The following SMC6 variants were observed in gnomAD, a reference collection of about 807,000 sequenced individuals.
SMC6 encodes structural maintenance of chromosomes protein 6.
Under a neutral mutation model 142.2 loss-of-function variants are expected in SMC6, and 79 were observed. The ratio of observed to expected loss-of-function variants is 0.56; its 90% CI spans 0.46 to 0.67. The LOEUF is 0.67. Among genes scored for constraint, SMC6 ranks in the 30% least tolerant of loss-of-function variants. The pLI, the probability that SMC6 is intolerant of heterozygous loss-of-function variation, is 0.00. For missense variants in SMC6, 1,072 were observed against 1,284.0 expected, an observed-to-expected ratio of 0.83 and a Z score of 2.52; for synonymous variants, 411 against 412.4, an observed-to-expected ratio of 1.00 and a Z score of 0.04.
intron 23 of SMC6, among the ~76,000 whole-genome samples, chr2:17,690,853 G>A (rs1386353722): frequency 1.3e-5 from 2 of 151,778 alleles, no homozygotes; most frequent in Non-Finnish European, 2.9e-5. Context: ...GCCACACGCT[G>A]TTTAGGCTGT....
intron 2 of SMC6, 94 bp from the exon 3 acceptor site, chr2:17,746,045 G>T: frequency 8.4e-7 from 1 of 1,188,090 alleles, no homozygotes; most frequent in Non-Finnish European, 1.1e-6. Flanking sequence ...TAAACTTTAG[G>T]TACTATGTCC....
At chr2:17,745,985 T>C (rs1211006886) in intron 2 of SMC6, 34 bp from the exon 3 acceptor site, 7 of 1,545,108 alleles carry the variant, frequency 4.5e-6, no homozygotes, top group Non-Finnish European at 6.1e-6. Flanking sequence ...ATGAGGTAAA[T>C]CAAGTTCCAT....
At chr2:17,689,624 G>C (rs1379896214) in intron 23 of SMC6, among the ~76,000 whole-genome samples, 1 of 152,140 alleles carries the variant, frequency 6.6e-6, no homozygotes, top group South Asian at 2.1e-4. Flanking sequence ...TATGATTTTT[G>C]ATAGAGCTGT....
At position 17,721,276 on chromosome 2, in the gene SMC6, A is replaced by G; in HGVS notation, c.727-15T>C. 1 of 1,558,288 alleles carries G rather than the reference A, an allele frequency of 6.4e-7. No individual in the cohort carries two copies. The highest frequency in any genetic ancestry group is 8.6e-7 in the Non-Finnish European group (1 of 1,160,914). ...TCAGTAAGCCGCTTAAAAAAAGAAA[A>G]CAGAACGGACGTATTTTTTATTAAT... is the stretch of plus-strand genomic sequence containing the variant. On this transcript the variant is annotated splice_polypyrimidine_tract_variant and intron_variant, in intron 9 of 27. Coordinates refer to ENST00000448223, the MANE Select transcript of SMC6 (RefSeq NM_001142286.2).
intron 16 of SMC6, among the ~76,000 whole-genome samples, chr2:17,712,813 T>A (rs1475226992): frequency 1.3e-5 from 2 of 152,212 alleles, no homozygotes; most frequent in African/African-American, 4.8e-5. Flanking sequence ...ACAAGGCAGG[T>A]AAAGTTAACA....
At chr2:17,701,428 CAA>C (rs138031128) in intron 20 of SMC6, among the ~76,000 whole-genome samples, 3,024 of 151,788 alleles carry the variant, frequency 0.02, 106 homozygotes, top group African/African-American at 0.07. Context: ...AGAAAAAAAA[CAA>C]GACACCAACT....
At chr2:17,669,775 T>C (rs1253242222) in intron 26 of SMC6, among the ~76,000 whole-genome samples, 1 of 152,170 alleles carries the variant, frequency 6.6e-6, no homozygotes, top group African/African-American at 2.4e-5. Flanking sequence ...TAATTGCTAA[T>C]TTATGAGAAC....
rs1668353707 is a variant in SMC6, at chr2:17,703,225, G to C, written c.2074C>G (p.Leu692Val). The C allele has an allele frequency of 6.2e-7, 1 of 1,600,290 alleles. No individual in the cohort carries two copies. Among genetic ancestry groups the C allele is most frequent in the African/African-American group, 1.3e-5 (1 of 74,274 alleles). The change falls in exon 19 of 28, where the codon CTT becomes GTT. Residue 692 changes from leucine (L) to valine (V), a missense_variant. Leu to Val is a conservative substitution (Grantham distance 32). Around this residue, in one of 3 missense-constraint regions of SMC6, gnomAD observed 994 missense variants for 1,153.2 expected, o/e 0.86. Transcript: ENST00000448223. Reference protein sequence around the residue: ...ILNLQQHLSALEKDIKHNEEL... With the variant: ...ILNLQQHLSAVEKDIKHNEEL... ...TCATTGTGTTTAATATCTTTTTCAA[G>C]GGCAGATAAATGTTGCTGAAGATTT... is the stretch of plus-strand genomic sequence containing the variant.
intron 8 of SMC6, among the ~76,000 whole-genome samples, 169 bp downstream of exon 8, chr2:17,726,220 C>T (rs868733738): frequency 6.8e-6 from 1 of 147,154 alleles, no homozygotes; most frequent in Non-Finnish European, 1.5e-5. Context: ...AAAAATTATA[C>T]TCCCATCTTA....
rs941192444 is a variant in SMC6 at position 17,683,878 on chromosome 2, G to T, written c.2679-115C>A. The stretch of plus-strand genomic sequence containing the variant: ...AGGGAGGGGCAGAGAGTACTAAGGG[G>T]GCCTAGTAGCAGTCAATTTCATAAA... On this transcript the variant is annotated intron_variant, in intron 23 of 27. Transcript: ENST00000448223. 1.7e-5 allele frequency: 15 copies of T among 879,782 alleles called. No individual in the cohort carries two copies. The Admixed American group carries it at 2.6e-4, about 15-fold the overall frequency. 54.5% of individuals were successfully genotyped at this position (879,782 alleles called of 1,614,324 possible). A position where few individuals can be genotyped will look rare whatever the true frequency, so the allele number is the denominator to read the frequency against.
At chr2:17,683,806 T>TA (rs776975489) in intron 23 of SMC6, 43 bp from the exon 24 acceptor site, 3 of 1,556,570 alleles carry the variant, frequency 1.9e-6, no homozygotes, top group East Asian at 2.3e-5. Flanking sequence ...ACACCACACG[T>TA]AAAAAACATA....
At chr2:17,672,483 A>C (rs1455160772) in intron 25 of SMC6, among the ~76,000 whole-genome samples, 2 of 152,196 alleles carry the variant, frequency 1.3e-5, no homozygotes, top group African/African-American at 4.8e-5. Context: ...TGTACAACTC[A>C]ATTTTTACAT....
In SMC6 at chr2:17,665,588, T is replaced by C. The variant is rs767770240; in HGVS notation, c.3187A>G (p.Arg1063Gly). Reference sequence around the variant, plus strand: ...TCAGGATCAGACATTCGGAGAATTCTTATCAGTTTACTGGATGGAAGTGAA... The same window carrying C: ...TCAGGATCAGACATTCGGAGAATTCCTATCAGTTTACTGGATGGAAGTGAA... ...MSSLPSSKLI[R>G]ILRMSDPERG... The change falls in exon 28 of 28, where the codon AGA becomes GGA. Residue 1063 changes from arginine to glycine, a missense_variant. By Grantham distance (125) the Arg-to-Gly change is moderately radical (BLOSUM62 -2). Coordinates refer to ENST00000448223, the MANE Select transcript of SMC6 (RefSeq NM_001142286.2). The C allele has an allele frequency of 1.9e-6, 3 of 1,610,308 alleles. No homozygotes were observed. Among genetic ancestry groups the C allele is most frequent in the Non-Finnish European group, 1.7e-6 (2 of 1,177,960 alleles).
chr2:17,751,005 CAAAAAAA>C lies in SMC6; in HGVS notation c.-6+1966_-6+1972del, dbSNP rs34661130. Among the ~76,000 whole-genome samples, 56 of 53,810 alleles carry C rather than the reference CAAAAAAA, an allele frequency of 1.0e-3. 1 individual carries two copies. Among genetic ancestry groups the C allele is most frequent in the African/African-American group, 3.9e-3 (49 of 12,464 alleles). 35.3% of individuals were successfully genotyped at this position (53,810 alleles called of 152,430 possible). A position where few individuals can be genotyped will look rare whatever the true frequency, so the allele number is the denominator to read the frequency against. Reference sequence around the variant, plus strand: ...GGACAACAAGAGTGAACAGCTGTCTCAAAAAAAAAAAAAAAAAAAAAAAAGATTCTCT... The same window carrying C: ...GGACAACAAGAGTGAACAGCTGTCTCAAAAAAAAAAAAAAAAAGATTCTCT... On this transcript the variant is annotated intron_variant, in intron 2 of 27. Transcript: ENST00000448223.
chr2:17,667,671 A>G (rs1316384158), intron 26 of SMC6, among the ~76,000 whole-genome samples: 1 of 152,134 alleles, frequency 6.6e-6, no homozygotes, highest in Non-Finnish European at 1.5e-5. Context: ...CCAATATGGC[A>G]AAACCCAGTC....
At chr2:17,682,076 T>G (rs1667262905) in intron 24 of SMC6, 1 of 152,124 alleles carries the variant, frequency 6.6e-6, no homozygotes, top group South Asian at 2.1e-4. Flanking sequence ...GTAATAGAGA[T>G]TGGGTTTATT....
chr2:17,716,646 G>A (rs549334384), intron 14 of SMC6, 95 bp downstream of exon 14: 490 of 1,242,414 alleles, frequency 3.9e-4, no homozygotes, highest in Non-Finnish European at 5.1e-4. Context: ...TTATTATGTA[G>A]AAGAAACAAC....
At chr2:17,676,682 A>G (rs1172776204) in intron 25 of SMC6, among the ~76,000 whole-genome samples, 2 of 152,088 alleles carry the variant, frequency 1.3e-5, no homozygotes, top group Admixed American at 6.6e-5. Context: ...ATCTAACAAC[A>G]CCCTATATCT....
rs1244844767 is a variant in SMC6 at position 17,664,218 on chromosome 2, G to C, written c.*1281C>G. On this transcript the variant is annotated 3_prime_UTR_variant, in exon 28 of 28. Transcript: ENST00000448223. ...AAAATCAGACTTTGTATGATCAGTG[G>C]GAAATGTTTAAAATATTCAGCACAC... The C allele has an allele frequency of 6.6e-6, 1 of 152,142 alleles. No individual in the cohort carries two copies. The highest frequency in any genetic ancestry group is 2.4e-5 in the African/African-American group (1 of 41,426). 9.4% of individuals were successfully genotyped at this position (152,142 alleles called of 1,614,324 possible). A position where few individuals can be genotyped will look rare whatever the true frequency, so the allele number is the denominator to read the frequency against.
Sources: allele counts gnomAD v4.1 joint callset (sites outside exome capture counted in the v4.1 genomes callset), GRCh38; gene constraint gnomAD v4.1.1; regional missense constraint gnomAD v4.1.1; transcripts MANE v1.5; gene names NCBI Gene and HGNC (gene_info 2026-07-23, HGNC 2026-07-21).